UNC13C: variants seen among roughly 807,000 people sequenced by gnomAD.
UNC13C encodes unc-13 homolog C, also known as protein unc-13 homolog C.
UNC13C carries 174 observed loss-of-function variants against 245.4 expected under a neutral mutation model. The observed-to-expected ratio is 0.71, with a 90% CI of 0.63 to 0.80. The LOEUF is 0.80. Ranked by LOEUF, UNC13C falls within the 30% of genes least tolerant of loss-of-function variation. The pLI, the probability that UNC13C is intolerant of heterozygous loss-of-function variation, is 0.00. For synonymous variants in UNC13C, 992 were observed against 895.1 expected, an observed-to-expected ratio of 1.11 and a Z score of -1.93; for missense variants, 2,829 against 2,602.9, an observed-to-expected ratio of 1.09 and a Z score of -1.89.
intron 2 of UNC13C, among the ~76,000 whole-genome samples, chr15:54,093,396 G>A (rs1056408478): frequency 3.3e-5 from 5 of 152,158 alleles, no homozygotes; most frequent in Admixed American, 1.3e-4. Flanking sequence ...TTTGTTGAAC[G>A]TTAGTATTAC....
At chr15:54,306,018 G>T (rs747991390) in intron 13 of UNC13C, among the ~76,000 whole-genome samples, 20 of 152,058 alleles carry the variant, frequency 1.3e-4, no homozygotes, top group Non-Finnish European at 2.6e-4. Flanking sequence ...ATAAGGGGAA[G>T]TATGTTTTAA....
At chr15:54,561,302 C>T (rs868651653) in intron 29 of UNC13C, among the ~76,000 whole-genome samples, 3 of 151,912 alleles carry the variant, frequency 2.0e-5, no homozygotes, top group Non-Finnish European at 2.9e-5. Context: ...TACATGTTAA[C>T]TTATAACAGT....
chr15:54,029,271 G>A (rs556909099), intron 2 of UNC13C, among the ~76,000 whole-genome samples: 10 of 152,318 alleles, frequency 6.6e-5, no homozygotes, highest in African/African-American at 9.6e-5. Flanking sequence ...TTGCCTCGGG[G>A]CAATTTCAAC....
At chr15:54,418,114 G>A (rs1220226129) in intron 19 of UNC13C, among the ~76,000 whole-genome samples, 1 of 152,028 alleles carries the variant, frequency 6.6e-6, no homozygotes, top group Non-Finnish European at 1.5e-5. Context: ...TGTCCATATT[G>A]ATATTTGCAC....
intron 19 of UNC13C, among the ~76,000 whole-genome samples, chr15:54,447,891 G>C (rs1205552708): frequency 6.6e-6 from 1 of 152,126 alleles, no homozygotes; most frequent in Non-Finnish European, 1.5e-5. Flanking sequence ...GATCTTTCCT[G>C]CTTTCTCTTG....
chr15:54,187,056 C>T (rs929954777), intron 4 of UNC13C, among the ~76,000 whole-genome samples: 1 of 151,842 alleles, frequency 6.6e-6, no homozygotes, highest in African/African-American at 2.4e-5. Context: ...CCATGTTGGC[C>T]AGGCTGGTTT....
At chr15:54,583,865 T>G (rs1898325998) in intron 30 of UNC13C, among the ~76,000 whole-genome samples, 1 of 151,810 alleles carries the variant, frequency 6.6e-6, no homozygotes, top group African/African-American at 2.4e-5. Flanking sequence ...AACACCAGAG[T>G]CCTGTGAATA....
intron 1 of UNC13C, among the ~76,000 whole-genome samples, chr15:53,986,125 A>T (rs1204396365): frequency 6.6e-6 from 1 of 152,086 alleles, no homozygotes; most frequent in Non-Finnish European, 1.5e-5. Flanking sequence ...ACTTCAAGAC[A>T]GGAGGCAGTG....
At chr15:53,928,810 T>C in the UNC13C span, among the ~76,000 whole-genome samples, 1 of 152,192 alleles carries the variant, frequency 6.6e-6, no homozygotes, top group Admixed American at 6.5e-5. Context: ...GTATAAGTGA[T>C]CTTAACATAC....
chr15:54,463,235 A>AAAATGGGCCAATCGGCTCTCT (rs1567296947), intron 19 of UNC13C, among the ~76,000 whole-genome samples: 5 of 112,236 alleles, frequency 4.5e-5, no homozygotes, highest in African/African-American at 1.7e-4. Context: ...ATCGGCTCTC[A>AAAATGGGCCAATCGGCTCTCT]GTAAAATGGG....
the UNC13C span, among the ~76,000 whole-genome samples, chr15:53,909,761 G>A: frequency 0.19 from 26,972 of 145,374 alleles, 4,954 homozygotes; most frequent in African/African-American, 0.3. Context: ...TATTTCCCTC[G>A]CTTCTTTTTA....
At chr15:54,094,069 C>G (rs554440328) in intron 2 of UNC13C, among the ~76,000 whole-genome samples, 2 of 152,096 alleles carry the variant, frequency 1.3e-5, no homozygotes, top group South Asian at 4.2e-4. Flanking sequence ...ACGGGCTACA[C>G]TCATCAATGA....
chr15:54,273,465 T>C (rs1446902035), intron 10 of UNC13C, among the ~76,000 whole-genome samples: 1 of 152,186 alleles, frequency 6.6e-6, no homozygotes, highest in Non-Finnish European at 1.5e-5. Context: ...ATCATAGCCT[T>C]GGCCATGTGT....
chr15:54,309,601 C>T (rs558272319), intron 13 of UNC13C, among the ~76,000 whole-genome samples: 1 of 151,832 alleles, frequency 6.6e-6, no homozygotes, highest in East Asian at 2.0e-4. Context: ...TGCAGTTTTT[C>T]CTCTATGTTT....
chr15:54,167,399 G>T (rs2141277112), intron 4 of UNC13C, among the ~76,000 whole-genome samples: 1 of 151,120 alleles, frequency 6.6e-6, no homozygotes, highest in East Asian at 2.0e-4. Context: ...CTACTCGGGA[G>T]GCTGAGGCAG....
At chr15:53,966,971 T>A in the UNC13C span, among the ~76,000 whole-genome samples, 1 of 152,116 alleles carries the variant, frequency 6.6e-6, no homozygotes. Context: ...CCCAAGGTAG[T>A]AATACCAGTT....
intron 19 of UNC13C, among the ~76,000 whole-genome samples, chr15:54,474,449 A>C (rs1892619120): frequency 1.3e-5 from 2 of 148,150 alleles, no homozygotes; most frequent in Admixed American, 6.9e-5. Context: ...TTTTTCATAT[A>C]CCAGTTGGAC....
Position 54,459,530 on chromosome 15 carries a change from A to T in UNC13C, c.4934-35078A>T, listed in dbSNP as rs77504559. On this transcript the variant is annotated intron_variant, in intron 19 of 32. Transcript: ENST00000260323. ...TTTTTCTTCCTCCGCAGGAACACCA[A>T]TTATTCTTACGTTTGGTTGTTTAAC... Among the ~76,000 whole-genome samples, 93 of 152,232 alleles carry T rather than the reference A, an allele frequency of 6.1e-4. 1 individual carries two copies. Among genetic ancestry groups the T allele is most frequent in the Middle Eastern group, 3.4e-3 (1 of 294 alleles).
At chr15:54,282,798 A>T (rs1433928141) in intron 10 of UNC13C, among the ~76,000 whole-genome samples, 2 of 152,116 alleles carry the variant, frequency 1.3e-5, no homozygotes, top group Non-Finnish European at 2.9e-5. Context: ...TTGAGTGATG[A>T]AAACAGCTCT....
Sources: gnomAD v4.1 joint callset for allele counts (sites outside exome capture counted in the v4.1 genomes callset) on GRCh38, gnomAD v4.1.1 for gene constraint, MANE v1.5 for transcripts, NCBI Gene and HGNC (gene_info 2026-07-23, HGNC 2026-07-21) for gene names.